TCF7L2: variants seen among roughly 807,000 people sequenced by gnomAD.
TCF7L2 encodes the protein transcription factor 7 like 2.
In TCF7L2, 23 loss-of-function variants were observed where a neutral mutation model predicts 77.9. The ratio of observed to expected loss-of-function variants is 0.30; its 90% confidence interval spans 0.21 to 0.42. The LOEUF is 0.42. TCF7L2 is among the 10% of genes least tolerant of loss of function. The pLI, the probability that TCF7L2 is intolerant of heterozygous loss-of-function variation, is 1.00. For synonymous variants in TCF7L2, 413 were observed against 340.2 expected (o/e 1.21, Z -2.36); for missense variants, 654 against 793.1 (o/e 0.82, Z 2.11).
At chr10:113,148,046 A>G (rs1164444713) in intron 8 of TCF7L2, among the ~76,000 whole-genome samples, 5 of 152,238 alleles carry the variant, frequency 3.3e-5, no homozygotes, top group African/African-American at 1.2e-4. Context: ...TATGGCAGTT[A>G]TAGCAAATGT....
At chr10:113,005,083 G>A (rs1047517913) in intron 4 of TCF7L2, among the ~76,000 whole-genome samples, 11 of 152,162 alleles carry the variant, frequency 7.2e-5, no homozygotes, top group African/African-American at 2.2e-4. Flanking sequence ...TTTTAGGACC[G>A]TCCAGACCAT....
At chr10:113,138,360 C>T (rs867108934) in intron 5 of TCF7L2, among the ~76,000 whole-genome samples, 41 of 148,978 alleles carry the variant, frequency 2.8e-4, no homozygotes, top group Admixed American at 4.1e-4. Flanking sequence ...AGCCAGAACA[C>T]AGGGCTCCAC....
chr10:113,064,896 GA>G (rs1188731515), intron 5 of TCF7L2, among the ~76,000 whole-genome samples: 12 of 152,336 alleles, frequency 7.9e-5, no homozygotes, highest in African/African-American at 2.9e-4. Context: ...CAGACTTGGT[GA>G]ACAGTAGGCC....
At chr10:112,990,748 T>G (rs945936602) in intron 4 of TCF7L2, among the ~76,000 whole-genome samples, 4 of 152,138 alleles carry the variant, frequency 2.6e-5, no homozygotes, top group Non-Finnish European at 5.9e-5. Context: ...AAAAATTAGC[T>G]AGCCAAGCTG....
At chr10:113,051,202 A>ACC (rs777440187) in intron 5 of TCF7L2, among the ~76,000 whole-genome samples, 1 of 89,658 alleles carries the variant, frequency 1.1e-5, no homozygotes, top group African/African-American at 4.6e-5. Context: ...GTGCATACAC[A>ACC]CCACACACAC....
chr10:112,974,990 T>C (rs545885469), intron 4 of TCF7L2, among the ~76,000 whole-genome samples: 1 of 151,600 alleles, frequency 6.6e-6, no homozygotes, highest in Non-Finnish European at 1.5e-5. Flanking sequence ...TTTTCTTTTT[T>C]TTTTACTGGT....
chr10:112,955,045 T>C (rs948022406), intron 3 of TCF7L2, among the ~76,000 whole-genome samples: 2 of 152,196 alleles, frequency 1.3e-5, no homozygotes, highest in Non-Finnish European at 1.5e-5. Flanking sequence ...ACAAAAGATT[T>C]AGACCTTGGA....
At chr10:113,029,040 C>T (rs575720000) in intron 4 of TCF7L2, among the ~76,000 whole-genome samples, 1 of 152,270 alleles carries the variant, frequency 6.6e-6, no homozygotes, top group East Asian at 1.9e-4. Context: ...AATTATTTGT[C>T]TTCATTTACA....
chr10:112,987,264 C>T (rs918316498), intron 4 of TCF7L2, among the ~76,000 whole-genome samples: 1 of 152,098 alleles, frequency 6.6e-6, no homozygotes. Flanking sequence ...CTTTATATGA[C>T]CTGCAGCAAA....
At chr10:113,164,464 T>C (rs898676029) in intron 13 of TCF7L2, among the ~76,000 whole-genome samples, 2 of 152,134 alleles carry the variant, frequency 1.3e-5, no homozygotes, top group Admixed American at 1.3e-4. Context: ...GGTGACCGGC[T>C]TGTGCTGCAC....
chr10:113,082,104 C>T (rs1423173784), intron 5 of TCF7L2, among the ~76,000 whole-genome samples: 2 of 148,608 alleles, frequency 1.3e-5, no homozygotes, highest in Non-Finnish European at 3.0e-5. Context: ...TCCCAAAGTG[C>T]TGGGATTATA....
At chr10:113,130,226 C>T (rs1203892017) in intron 5 of TCF7L2, among the ~76,000 whole-genome samples, 6 of 152,254 alleles carry the variant, frequency 3.9e-5, no homozygotes, top group South Asian at 4.1e-4. Context: ...GGAGAGAAGT[C>T]TCACTTTCAT....
chr10:113,033,381 C>T (rs2050587757), intron 4 of TCF7L2, among the ~76,000 whole-genome samples: 1 of 152,086 alleles, frequency 6.6e-6, no homozygotes, highest in African/African-American at 2.4e-5. Flanking sequence ...ACCTCAGCCT[C>T]CCAAGTAGCT....
At position 113,089,629 on chromosome 10, in the gene TCF7L2, C is replaced by T. The variant is rs558180621; in HGVS notation, c.552+49503C>T. The T allele has an allele frequency of 1.3e-4, 196 of 1,488,988 alleles. 2 individuals are homozygous for T. In the South Asian group the frequency reaches 2.4e-3, roughly 18 times the overall value. The allele number at this position is 1,488,988 out of a possible 1,614,324, so 92.2% of individuals were successfully genotyped here. On this transcript the variant is annotated intron_variant, in intron 5 of 13. Transcript: ENST00000627217. ...AAGTTTACCTCTCTCTAGGGCAGGGCCCATCCACTGCGATCCCTGAATTCT... is the reference window on the plus strand; with the variant it reads ...AAGTTTACCTCTCTCTAGGGCAGGGTCCATCCACTGCGATCCCTGAATTCT...
intron 4 of TCF7L2, among the ~76,000 whole-genome samples, chr10:112,994,711 A>G (rs989666964): frequency 6.6e-6 from 1 of 152,176 alleles, no homozygotes; most frequent in Non-Finnish European, 1.5e-5. Flanking sequence ...ATATTTAAAA[A>G]GTGGTTATAA....
chr10:112,961,598 A>C (rs1338952861), intron 3 of TCF7L2, among the ~76,000 whole-genome samples: 1 of 152,186 alleles, frequency 6.6e-6, no homozygotes, highest in Non-Finnish European at 1.5e-5. Flanking sequence ...TTCGAAAGAA[A>C]AGTGTGTTGG....
At chr10:113,147,464 C>T (rs779987168) in intron 8 of TCF7L2, among the ~76,000 whole-genome samples, 14 of 152,124 alleles carry the variant, frequency 9.2e-5, no homozygotes, top group East Asian at 1.9e-4. Context: ...TTTCTACCTG[C>T]GATATATCAT....
intron 8 of TCF7L2, among the ~76,000 whole-genome samples, chr10:113,149,779 G>A (rs2070347368): frequency 6.6e-6 from 1 of 151,882 alleles, no homozygotes; most frequent in South Asian, 2.1e-4. Context: ...GAAAGCAACA[G>A]TTGCCATGAT....
Position 113,054,035 on chromosome 10 carries a change from G to C in TCF7L2, c.552+13909G>C, listed in dbSNP as rs571489950. Among the ~76,000 whole-genome samples the C allele has an allele frequency of 6.8e-4, 103 of 152,304 alleles. 1 individual carries two copies. In the South Asian group the frequency reaches 0.018, roughly 27 times the overall value. ...AGGTTTCCGGACACCAGACTAGGCT[G>C]GTGCCGGTCAGGCTACACCAGGGAA... On this transcript the variant is annotated intron_variant, in intron 5 of 13. Coordinates refer to ENST00000627217, the MANE Select transcript of TCF7L2 (RefSeq NM_001146274.2).
Sources: gnomAD v4.1 joint callset for allele counts (sites outside exome capture counted in the v4.1 genomes callset) on GRCh38, gnomAD v4.1.1 for gene constraint, MANE v1.5 for transcripts, NCBI Gene and HGNC (gene_info 2026-07-23, HGNC 2026-07-21) for gene names.